HIVEP3: variants seen among roughly 807,000 people sequenced by gnomAD.
The protein encoded by HIVEP3 is transcription factor HIVEP3.
Under a neutral mutation model 152.8 loss-of-function variants are expected in HIVEP3, and 49 were observed. The ratio of observed to expected loss-of-function variants is 0.32; its 90% confidence interval spans 0.26 to 0.41. HIVEP3 has a LOEUF of 0.41. Ranked by LOEUF, HIVEP3 falls within the 10% of genes least tolerant of loss-of-function variation. The pLI is 1.00. For synonymous variants in HIVEP3, 1,269 were observed against 1,289.0 expected (o/e 0.98, Z 0.33); for missense variants, 2,790 against 3,103.3 (o/e 0.90, Z 2.40).
chr1:41,967,910 T>C (rs1405317513), intron 1 of HIVEP3, among the ~76,000 whole-genome samples: 1 of 152,192 alleles, frequency 6.6e-6, no homozygotes, highest in East Asian at 1.9e-4. Flanking sequence ...ACATTATTCA[T>C]ATAAACACTT....
At position 41,628,633 on chromosome 1, in the gene HIVEP3, G is replaced by A. The variant is rs573253027; in HGVS notation, c.-522+116C>T. 1.0e-3 allele frequency: 852 copies of A among 851,018 alleles called. 2 individuals are homozygous for A. The highest frequency in any genetic ancestry group is 2.4e-3 in the Middle Eastern group (6 of 2,452). 52.7% of individuals were successfully genotyped at this position (851,018 alleles called of 1,614,324 possible). ...TTCACAGAGGCACCAGAAAGGCAAC[G>A]ATAACACTAATAATAACAATAATAC... is the stretch of plus-strand genomic sequence containing the variant. On this transcript the variant is annotated intron_variant, in intron 3 of 8. Coordinates refer to ENST00000372583, the MANE Select transcript of HIVEP3 (RefSeq NM_024503.5).
In HIVEP3 at chr1:41,776,359, A is replaced by T. The variant is rs191387345; in HGVS notation, c.-800-75364T>A. 1.9e-3 allele frequency among the ~76,000 whole-genome samples: 286 copies of T among 152,374 alleles called. 2 individuals carry two copies. The highest frequency in any genetic ancestry group is 7.2e-3 in the South Asian group (35 of 4,828). Reference sequence around the variant, plus strand: ...GTTCCCTGAGCATGCCCTCTGTGCCAGGCACCACTGGCCTTGTCCACGCTT... The same window carrying T: ...GTTCCCTGAGCATGCCCTCTGTGCCTGGCACCACTGGCCTTGTCCACGCTT... On this transcript the variant is annotated intron_variant, in intron 1 of 8. Coordinates refer to ENST00000372583, the MANE Select transcript of HIVEP3 (RefSeq NM_024503.5).
In HIVEP3 at chr1:41,718,781, CACA is replaced by C. The variant is rs1348292027; in HGVS notation, c.-800-17789_-800-17787del. 5.5e-3 allele frequency among the ~76,000 whole-genome samples: 714 copies of C among 129,834 alleles called. 6 individuals carry two copies. The highest frequency in any genetic ancestry group is 0.028 in the African/African-American group (686 of 24,204). The allele number at this position is 129,834 out of a possible 152,430, so 85.2% of individuals were successfully genotyped here. ...TCTTTCTCTCTTTCACACCCACACA[CACA>C]CACACACACACACGTGCACACACAC... On this transcript the variant is annotated intron_variant, in intron 1 of 8. Transcript: ENST00000372583.
chr1:41,774,954 A>T (rs349431), intron 1 of HIVEP3, among the ~76,000 whole-genome samples: 1 of 151,624 alleles, frequency 6.6e-6, no homozygotes, highest in African/African-American at 2.4e-5. Flanking sequence ...TGCCACCACA[A>T]CTGGCTAATT....
chr1:41,540,550 T>C (rs951800308), intron 5 of HIVEP3, among the ~76,000 whole-genome samples: 1 of 152,192 alleles, frequency 6.6e-6, no homozygotes, highest in East Asian at 1.9e-4. Flanking sequence ...TTCTAATTTC[T>C]GCATGACAAC....
At chr1:41,588,600 G>T (rs1644539752) in intron 3 of HIVEP3, among the ~76,000 whole-genome samples, 1 of 152,054 alleles carries the variant, frequency 6.6e-6, no homozygotes, top group Non-Finnish European at 1.5e-5. Flanking sequence ...AGCACTGCCT[G>T]CCCAGGGTCA....
In HIVEP3 at chr1:41,594,225, T is replaced by C. The variant is rs115258757; in HGVS notation, c.-521-8907A>G. On this transcript the variant is annotated intron_variant, in intron 3 of 8. Transcript: ENST00000372583. ...TATCTTACGTTTCAGTTATAATTAT[T>C]TTATTATTATTTTTTGAAATGGAGT... 5.1e-3 allele frequency among the ~76,000 whole-genome samples: 780 copies of C among 152,246 alleles called. 4 individuals are homozygous for C. The highest frequency in any genetic ancestry group is 0.018 in the African/African-American group (747 of 41,520).
Position 41,510,380 on chromosome 1 carries a change from T to G in HIVEP3, c.*71A>C. The stretch of plus-strand genomic sequence containing the variant: ...AGATGGGGCTGAGGAAGTGGGATGA[T>G]TCGAGGAAAGTGGCTGGAAACGTCT... On this transcript the variant is annotated 3_prime_UTR_variant, in exon 9 of 9. Coordinates refer to ENST00000372583, the MANE Select transcript of HIVEP3 (RefSeq NM_024503.5). 1 of 1,314,628 alleles carries G rather than the reference T, an allele frequency of 7.6e-7. No homozygotes were observed. Among genetic ancestry groups the G allele is most frequent in the African/African-American group, 1.5e-5 (1 of 65,556 alleles). The allele number at this position is 1,314,628 out of a possible 1,614,324, so 81.4% of individuals were successfully genotyped here.
At position 41,507,851 on chromosome 1, in the gene HIVEP3, A is replaced by G. The variant is rs944145172; in HGVS notation, c.*2600T>C. 2.0e-5 allele frequency: 3 copies of G among 152,262 alleles called. No homozygotes were observed. Among genetic ancestry groups the G allele is most frequent in the East Asian group, 1.9e-4 (1 of 5,196 alleles). The allele number at this position is 152,262 out of a possible 1,614,324, so 9.4% of individuals were successfully genotyped here. A position where few individuals can be genotyped will look rare whatever the true frequency, so the allele number is the denominator to read the frequency against. On this transcript the variant is annotated 3_prime_UTR_variant, in exon 9 of 9. Coordinates refer to ENST00000372583, the MANE Select transcript of HIVEP3 (RefSeq NM_024503.5). ...AGTGACATATACCCAGGCTGGTGGC[A>G]TTGGTTCTGTCCCTCTGGGCACGGC...
In HIVEP3 at chr1:42,007,198, A is replaced by G. The variant is rs1044298961; in HGVS notation, n.119+28609T>C. 6.6e-5 allele frequency among the ~76,000 whole-genome samples: 10 copies of G among 152,328 alleles called. No homozygotes were observed. In the East Asian group the frequency reaches 1.9e-3, roughly 29 times the overall value. On this transcript the variant is annotated intron_variant and non_coding_transcript_variant, in intron 1 of 3. Transcript: ENST00000489103. ...ACCACAGCAGAGAGAGAGCCTGATC[A>G]ATTGCATGTACCATTTCATTGCAAA... is the stretch of plus-strand genomic sequence containing the variant.
rs140418998 is a variant in HIVEP3, at chr1:42,003,171, G to A, written n.119+32636C>T. ...GCTCACTGTAACCTCCACCTCCCAG[G>A]TTCAAGCGATTCTTCTTGTCTCAGC... On this transcript the variant is annotated intron_variant and non_coding_transcript_variant, in intron 1 of 3. Transcript: ENST00000489103. Among the ~76,000 whole-genome samples the A allele has an allele frequency of 4.8e-3, 737 of 152,098 alleles. 4 individuals are homozygous for A. Among genetic ancestry groups the A allele is most frequent in the African/African-American group, 0.017 (714 of 41,468 alleles).
chr1:41,768,968 G>T (rs1036928255), intron 1 of HIVEP3, among the ~76,000 whole-genome samples: 1 of 152,210 alleles, frequency 6.6e-6, no homozygotes, highest in South Asian at 2.1e-4. Flanking sequence ...ACAGAAAAGA[G>T]TGGCCTTGTG....
intron 2 of HIVEP3, among the ~76,000 whole-genome samples, chr1:41,661,710 C>T (rs1645714955): frequency 6.6e-6 from 1 of 152,228 alleles, no homozygotes; most frequent in African/African-American, 2.4e-5. Flanking sequence ...CAGCAGCTCC[C>T]GCCGGGTGTG....
intron 1 of HIVEP3, among the ~76,000 whole-genome samples, chr1:41,721,126 T>C (rs951259828): frequency 2.6e-5 from 4 of 152,224 alleles, no homozygotes; most frequent in African/African-American, 9.6e-5. Context: ...CTGTGCAACA[T>C]TTGCCTATGA....
intron 1 of HIVEP3, among the ~76,000 whole-genome samples, chr1:41,794,657 T>G (rs1649885935): frequency 6.6e-6 from 1 of 152,214 alleles, no homozygotes; most frequent in African/African-American, 2.4e-5. Flanking sequence ...TTTTGATAGG[T>G]AAAAATGGTT....
rs546033324 is a variant in HIVEP3 at position 41,886,149 on chromosome 1, T to A, written c.-801+32264A>T. Among the ~76,000 whole-genome samples the A allele has an allele frequency of 1.6e-4, 25 of 152,298 alleles. No individual in the cohort carries two copies. In the South Asian group the frequency reaches 2.7e-3, roughly 16 times the overall value. ...CTCTGATGTCTCCTCCTGATACATT[T>A]CCCCTCATGTTCATATTGAATGGTG... On this transcript the variant is annotated intron_variant, in intron 1 of 8. Coordinates refer to ENST00000372583, the MANE Select transcript of HIVEP3 (RefSeq NM_024503.5).
chr1:41,730,498 A>G (rs1049195920), intron 1 of HIVEP3, among the ~76,000 whole-genome samples: 8 of 152,212 alleles, frequency 5.3e-5, no homozygotes, highest in African/African-American at 1.9e-4. Flanking sequence ...ATCAGCACTC[A>G]GTCCTGGGGC....
intron 1 of HIVEP3, among the ~76,000 whole-genome samples, chr1:41,903,040 TTTA>T (rs1240143855): frequency 2.0e-5 from 3 of 152,150 alleles, no homozygotes; most frequent in African/African-American, 2.4e-5. Context: ...CTGAGACATG[TTTA>T]TTATTATCAC....
intron 5 of HIVEP3, among the ~76,000 whole-genome samples, chr1:41,571,465 G>A (rs1220386644): frequency 1.3e-5 from 2 of 152,206 alleles, no homozygotes; most frequent in African/African-American, 4.8e-5. Flanking sequence ...TGGAAAATGC[G>A]GGCTTTGTTC....
Sources: allele counts gnomAD v4.1 joint callset (sites outside exome capture counted in the v4.1 genomes callset), GRCh38; gene constraint gnomAD v4.1.1; transcripts MANE v1.5; gene names NCBI Gene and HGNC (gene_info 2026-07-23, HGNC 2026-07-21).